APBA1: variants seen among roughly 807,000 people sequenced by gnomAD.
APBA1 encodes amyloid beta precursor protein binding family A member 1.
APBA1 carries 55 observed loss-of-function variants against 86.6 expected under a neutral mutation model. The observed-to-expected ratio is 0.64, with a 90% CI of 0.51 to 0.80. APBA1 has a LOEUF of 0.80. Among genes scored for constraint, APBA1 ranks in the 30% least tolerant of loss-of-function variants. The pLI is 0.00. For missense variants in APBA1, 1,090 were observed against 1,183.0 expected (o/e 0.92, Z 1.15); for synonymous variants, 511 against 493.9 (o/e 1.03, Z -0.46).
At chr9:69,565,579 C>G (rs1186893302) in intron 1 of APBA1, among the ~76,000 whole-genome samples, 1 of 152,180 alleles carries the variant, frequency 6.6e-6, no homozygotes, top group Non-Finnish European at 1.5e-5. Flanking sequence ...CATCGCATTT[C>G]TCTTCCACAT....
intron 1 of APBA1, among the ~76,000 whole-genome samples, chr9:69,591,352 T>C (rs1030576814): frequency 6.6e-6 from 1 of 152,212 alleles, no homozygotes; most frequent in Non-Finnish European, 1.5e-5. Flanking sequence ...ATACAGATGG[T>C]TGACAAATAT....
intron 2 of APBA1, among the ~76,000 whole-genome samples, chr9:69,484,766 G>A (rs554022482): frequency 6.6e-6 from 1 of 152,094 alleles, no homozygotes; most frequent in South Asian, 2.1e-4. Context: ...CTTGGGTCTT[G>A]TAAACAGTAG....
intron 4 of APBA1, among the ~76,000 whole-genome samples, chr9:69,468,237 G>T (rs950590435): frequency 1.3e-5 from 2 of 152,174 alleles, no homozygotes; most frequent in Admixed American, 1.3e-4. Flanking sequence ...ATAAAATTCA[G>T]CAATAAAGGA....
At chr9:69,482,752 A>G (rs1588310757) in intron 2 of APBA1, among the ~76,000 whole-genome samples, 1 of 151,994 alleles carries the variant, frequency 6.6e-6, no homozygotes, top group South Asian at 2.1e-4. Flanking sequence ...ATACTGGATT[A>G]AGAAAATGTG....
At chr9:69,537,335 T>C (rs1836529127) in intron 1 of APBA1, among the ~76,000 whole-genome samples, 1 of 152,090 alleles carries the variant, frequency 6.6e-6, no homozygotes, top group Admixed American at 6.6e-5. Context: ...GTCTTACGAA[T>C]ACTTCACCTC....
intron 11 of APBA1, 24 bp from the exon 12 acceptor site, chr9:69,432,700 AC>A (rs769402436): frequency 2.6e-6 from 4 of 1,530,212 alleles, no homozygotes; most frequent in Admixed American, 1.9e-5. Context: ...AGGCAGAGTT[AC>A]CCTCATTGCA....
At chr9:69,458,708 T>G (rs996217529) in intron 5 of APBA1, among the ~76,000 whole-genome samples, 1 of 152,246 alleles carries the variant, frequency 6.6e-6, no homozygotes, top group African/African-American at 2.4e-5. Flanking sequence ...CGTTAAATTT[T>G]TTTTCAAATT....
At chr9:69,481,676 C>T (rs1323170427) in intron 2 of APBA1, among the ~76,000 whole-genome samples, 2 of 150,656 alleles carry the variant, frequency 1.3e-5, no homozygotes, top group African/African-American at 4.9e-5. Flanking sequence ...AATCCTAAGC[C>T]AAAAGAACAA....
At chr9:69,603,932 A>C (rs909545604) in intron 1 of APBA1, among the ~76,000 whole-genome samples, 1 of 152,198 alleles carries the variant, frequency 6.6e-6, no homozygotes, top group African/African-American at 2.4e-5. Flanking sequence ...TCTAGAGGAG[A>C]GATCAGATAC....
upstream of APBA1, chr9:69,672,990 C>T (rs1457765919): frequency 6.6e-6 from 1 of 152,290 alleles, no homozygotes; most frequent in African/African-American, 2.4e-5. Context: ...GCTTCAAATT[C>T]GGAGATTGAC....
Position 69,476,945 on chromosome 9 carries a change from T to C in APBA1, c.1201-802A>G, listed in dbSNP as rs528117370. ...AGGTGCTCCATAAACATCTTCTGAA[T>C]GGATGGGCAAATAAAACAAGCAAGC... On this transcript the variant is annotated intron_variant, in intron 2 of 12. Coordinates refer to ENST00000265381, the MANE Select transcript of APBA1 (RefSeq NM_001163.4). Among the ~76,000 whole-genome samples the C allele has an allele frequency of 1.1e-4, 16 of 152,216 alleles. No individual in the cohort carries two copies. In the East Asian group the frequency reaches 2.5e-3, roughly 24 times the overall value.
At chr9:69,658,376 CTT>C (rs1297663727) in intron 1 of APBA1, among the ~76,000 whole-genome samples, 2 of 145,538 alleles carry the variant, frequency 1.4e-5, no homozygotes, top group African/African-American at 5.1e-5. Flanking sequence ...CTCTGTCTCT[CTT>C]TCTCTCTTTC....
At chr9:69,588,245 G>T (rs1462094189) in intron 1 of APBA1, among the ~76,000 whole-genome samples, 1 of 152,082 alleles carries the variant, frequency 6.6e-6, no homozygotes, top group East Asian at 1.9e-4. Context: ...AAAGGGGTTG[G>T]CATATTGGAG....
chr9:69,667,944 G>A (rs1588420684), intron 1 of APBA1, among the ~76,000 whole-genome samples: 3 of 152,040 alleles, frequency 2.0e-5, no homozygotes, highest in African/African-American at 7.2e-5. Context: ...CATGGGGTGT[G>A]CTGTGTGAGT....
chr9:69,544,894 C>T (rs1354008895), intron 1 of APBA1, among the ~76,000 whole-genome samples: 1 of 152,168 alleles, frequency 6.6e-6, no homozygotes, highest in Non-Finnish European at 1.5e-5. Flanking sequence ...GGGCCTTGGC[C>T]CACCGGTTAA....
intron 1 of APBA1, among the ~76,000 whole-genome samples, chr9:69,535,860 T>C (rs1228379746): frequency 6.6e-6 from 1 of 152,112 alleles, no homozygotes; most frequent in African/African-American, 2.4e-5. Flanking sequence ...CTTTTTAGAG[T>C]TCTCTGAACA....
chr9:69,489,499 T>C (rs369817182), intron 2 of APBA1, among the ~76,000 whole-genome samples: 3 of 152,052 alleles, frequency 2.0e-5, no homozygotes, highest in African/African-American at 7.2e-5. Context: ...AAGACTTAAA[T>C]GTTAGACCTA....
At chr9:69,530,337 C>T (rs867242753) in intron 1 of APBA1, among the ~76,000 whole-genome samples, 3,770 of 141,224 alleles carry the variant, frequency 0.027, 60 homozygotes, top group African/African-American at 0.058. Context: ...TATACACACA[C>T]ACACACACAC....
At chr9:69,493,529 C>T (rs1172962010) in intron 2 of APBA1, among the ~76,000 whole-genome samples, 1 of 152,026 alleles carries the variant, frequency 6.6e-6, no homozygotes, top group Admixed American at 6.5e-5. Context: ...TCTTAAGGTG[C>T]CTCACTGTCT....
Sources: gnomAD v4.1 joint callset for allele counts (sites outside exome capture counted in the v4.1 genomes callset) on GRCh38, gnomAD v4.1.1 for gene constraint, MANE v1.5 for transcripts, NCBI Gene and HGNC (gene_info 2026-07-23, HGNC 2026-07-21) for gene names.